Variants in AGO2 observed in about 807,000 individuals in gnomAD.
The protein encoded by AGO2 is argonaute RISC catalytic component 2, also known as protein argonaute-2.
In AGO2, 5 loss-of-function variants were observed where a neutral mutation model predicts 102.3. The observed-to-expected ratio is 0.05, with a 90% confidence interval of 0.03 to 0.10. The LOEUF (loss-of-function observed/expected upper bound fraction) is 0.10. AGO2 is among the 10% of genes least tolerant of loss of function. AGO2 has a pLI of 1.00. For missense variants in AGO2, 541 were observed against 1,183.7 expected, an observed-to-expected ratio of 0.46 and a Z score of 7.97; for synonymous variants, 449 against 473.1, an observed-to-expected ratio of 0.95 and a Z score of 0.66.
the AGO2 span, among the ~76,000 whole-genome samples, chr8:140,641,664 A>G: frequency 4.6e-5 from 7 of 152,138 alleles, no homozygotes; most frequent in Non-Finnish European, 7.4e-5. Flanking sequence ...GCTCACTGCA[A>G]CCTCCGCCTC....
chr8:140,629,976 C>T (rs1314263563), intron 1 of AGO2, among the ~76,000 whole-genome samples: 1 of 151,948 alleles, frequency 6.6e-6, no homozygotes, highest in Non-Finnish European at 1.5e-5. Context: ...CTGATCCAAC[C>T]CACACAGCCC....
chr8:140,595,939 ATATATATTT>A (rs2073833306), intron 1 of AGO2, among the ~76,000 whole-genome samples: 1 of 56,528 alleles, frequency 1.8e-5, no homozygotes, highest in African/African-American at 6.1e-5. Flanking sequence ...AAATTATATA[ATATATATTT>A]TATATATAAT....
chr8:140,637,970 G>C (rs1407236617), upstream of AGO2: 1 of 152,264 alleles, frequency 6.6e-6, no homozygotes, highest in Non-Finnish European at 1.5e-5. Flanking sequence ...TGACTCAGCC[G>C]ACTCTGGGTC....
At chr8:140,578,142 C>G (rs901885431) in intron 2 of AGO2, among the ~76,000 whole-genome samples, 1 of 152,188 alleles carries the variant, frequency 6.6e-6, no homozygotes, top group African/African-American at 2.4e-5. Flanking sequence ...TGAGGAGGGG[C>G]CGATCTTGTG....
rs192956811 is a variant in AGO2, at chr8:140,603,153, C to T, written c.23-17842G>A. On this transcript the variant is annotated intron_variant, in intron 1 of 18. Transcript: ENST00000220592. ...GATGGTGCGGGTTGACTCAGGCCCC[C>T]ACGGCGGCGTGGCGGAGATTAAAGA... 3.7e-3 allele frequency among the ~76,000 whole-genome samples: 569 copies of T among 152,318 alleles called. 1 individual carries two copies. Among genetic ancestry groups the T allele is most frequent in the South Asian group, 0.014 (66 of 4,824 alleles).
At chr8:140,610,770 C>G (rs1014926341) in intron 1 of AGO2, among the ~76,000 whole-genome samples, 2 of 152,162 alleles carry the variant, frequency 1.3e-5, no homozygotes, top group Non-Finnish European at 2.9e-5. Flanking sequence ...CATGGCCAAC[C>G]CCCCCATATG....
At chr8:140,602,488 T>G (rs374037720) in intron 1 of AGO2, among the ~76,000 whole-genome samples, 1 of 152,228 alleles carries the variant, frequency 6.6e-6, no homozygotes, top group South Asian at 2.1e-4. Flanking sequence ...AACAGTAAAC[T>G]GTACATCACG....
chr8:140,581,268 A>T (rs1167128586), intron 2 of AGO2, among the ~76,000 whole-genome samples: 1 of 152,220 alleles, frequency 6.6e-6, no homozygotes, highest in Non-Finnish European at 1.5e-5. Flanking sequence ...TAATTCTAGC[A>T]CTTTGAGAGG....
intron 8 of AGO2, among the ~76,000 whole-genome samples, 153 bp downstream of exon 8, chr8:140,556,936 C>T (rs1405866923): frequency 2.0e-5 from 3 of 152,206 alleles, no homozygotes; most frequent in Non-Finnish European, 4.4e-5. Context: ...CGAGGTGTAA[C>T]AAAGCCCATT....
At chr8:140,566,870 T>C (rs2073295776) in intron 3 of AGO2, among the ~76,000 whole-genome samples, 1 of 152,210 alleles carries the variant, frequency 6.6e-6, no homozygotes, top group Non-Finnish European at 1.5e-5. Flanking sequence ...GGGAGTGCCA[T>C]TCCCCTTGTC....
Position 140,523,575 on chromosome 8 carries a change from TTC to T in AGO2, c.*8467_*8468del, listed in dbSNP as rs2072450299. ...TTGCTGCACAGAAACTTATAAATTA[TTC>T]TCTCAAAACTTTTTAAAAAATAAAA... On this transcript the variant is annotated 3_prime_UTR_variant, in exon 19 of 19. Coordinates refer to ENST00000220592, the MANE Select transcript of AGO2 (RefSeq NM_012154.5). 1.3e-5 allele frequency: 2 copies of T among 152,226 alleles called. No individual in the cohort carries two copies. The highest frequency in any genetic ancestry group is 2.1e-4 in the South Asian group (1 of 4,828). The allele number at this position is 152,226 out of a possible 1,614,324, so 9.4% of individuals were successfully genotyped here.
intron 1 of AGO2, among the ~76,000 whole-genome samples, chr8:140,607,481 T>C (rs1588501998): frequency 3.3e-5 from 1 of 30,728 alleles, no homozygotes; most frequent in Non-Finnish European, 9.1e-5. Flanking sequence ...TATATATATA[T>C]ATATATATAT....
intron 17 of AGO2, among the ~76,000 whole-genome samples, chr8:140,534,025 C>T (rs1235320691): frequency 6.6e-6 from 1 of 152,210 alleles, no homozygotes; most frequent in Non-Finnish European, 1.5e-5. Flanking sequence ...CTGACAACAA[C>T]CTGTCCAGCA....
intron 13 of AGO2, among the ~76,000 whole-genome samples, chr8:140,544,915 T>C (rs2072872580): frequency 6.6e-6 from 1 of 152,176 alleles, no homozygotes; most frequent in Non-Finnish European, 1.5e-5. Context: ...AGGACAGGCA[T>C]GTGGGCCTCG....
At chr8:140,573,635 A>C (rs762245239) in intron 2 of AGO2, among the ~76,000 whole-genome samples, 2 of 152,224 alleles carry the variant, frequency 1.3e-5, no homozygotes, top group Non-Finnish European at 2.9e-5. Flanking sequence ...TGGGCACTTT[A>C]TATGCCACAT....
upstream of AGO2, chr8:140,637,780 A>T (rs957820186): frequency 3.3e-5 from 5 of 152,396 alleles, no homozygotes; most frequent in African/African-American, 1.2e-4. Flanking sequence ...TCCCTCACTC[A>T]GCATGGCTAA....
At chr8:140,544,129 C>G in intron 14 of AGO2, 84 bp downstream of exon 14, 2 of 1,423,050 alleles carry the variant, frequency 1.4e-6, no homozygotes, top group South Asian at 1.5e-5. Flanking sequence ...CAGGAAGGAC[C>G]CCTGGCCACG....
intron 14 of AGO2, 111 bp from the exon 15 acceptor site, chr8:140,541,469 T>C (rs922445281): frequency 9.8e-7 from 1 of 1,022,144 alleles, no homozygotes; most frequent in Admixed American, 3.1e-5. Context: ...ACCCTGGAAC[T>C]CATGTCACTG....
intron 17 of AGO2, among the ~76,000 whole-genome samples, chr8:140,534,065 C>A (rs1025828982): frequency 2.0e-5 from 3 of 152,192 alleles, no homozygotes; most frequent in African/African-American, 7.2e-5. Flanking sequence ...TGTGTCTAGC[C>A]CTGTGCCGAG....
Sources: allele counts gnomAD v4.1 joint callset (sites outside exome capture counted in the v4.1 genomes callset), GRCh38; gene constraint gnomAD v4.1.1; transcripts MANE v1.5; gene names NCBI Gene and HGNC (gene_info 2026-07-23, HGNC 2026-07-21).